CFAP46: variants seen among roughly 807,000 people sequenced by gnomAD.
The protein encoded by CFAP46 is cilia- and flagella-associated protein 46.
In CFAP46, 245 loss-of-function variants were observed where a neutral mutation model predicts 325.7. That is an observed-to-expected ratio of 0.75 (90% CI 0.68 to 0.84). CFAP46 has a LOEUF of 0.84. Among genes scored for constraint, CFAP46 ranks in the 40% least tolerant of loss-of-function variants. The probability of loss-of-function intolerance (pLI) is 0.00; values close to 1 mark genes in which losing one functional copy is unlikely to be tolerated. For synonymous variants in CFAP46, 1,523 were observed against 1,495.9 expected (o/e 1.02, Z -0.42); for missense variants, 3,346 against 3,543.0 (o/e 0.94, Z 1.41).
intron 41 of CFAP46, among the ~76,000 whole-genome samples, chr10:132,848,975 C>G (rs556093552): frequency 1.3e-5 from 2 of 152,296 alleles, no homozygotes; most frequent in South Asian, 4.2e-4. Context: ...AGAAAAAACC[C>G]AGAAAAACCT....
intron 11 of CFAP46, among the ~76,000 whole-genome samples, chr10:132,924,450 C>T (rs986425589): frequency 4.6e-5 from 7 of 152,146 alleles, no homozygotes; most frequent in Admixed American, 2.0e-4. Context: ...CATGGAGGCT[C>T]GAGGGACACA....
intron 50 of CFAP46, among the ~76,000 whole-genome samples, chr10:132,823,950 T>A (rs1218751401): frequency 7.2e-6 from 1 of 138,682 alleles, no homozygotes; most frequent in East Asian, 2.2e-4. Flanking sequence ...GTGTGTGCAG[T>A]GATGTGTGCT....
At position 132,869,252 on chromosome 10, in the gene CFAP46, C is replaced by A. The variant is rs992785511; in HGVS notation, c.4610+22G>T. ...AGGGCGAGACTCAAACCCCAGGCGG[C>A]GCAGGGTGGGACGGCACACACCTGG... On this transcript the variant is annotated intron_variant, in intron 33 of 57. Coordinates refer to ENST00000368586, the MANE Select transcript of CFAP46 (RefSeq NM_001200049.3). This position sits in a 1 kb window ranked among gnomAD's most constrained non-coding sequence, Gnocchi z 6.2. 2.9e-5 allele frequency: 43 copies of A among 1,501,550 alleles called. No homozygotes were observed. Among genetic ancestry groups the A allele is most frequent in the Non-Finnish European group, 3.8e-5 (43 of 1,119,718 alleles). 93.0% of individuals were successfully genotyped at this position (1,501,550 alleles called of 1,614,324 possible).
chr10:132,917,067 C>T (rs955723768), intron 16 of CFAP46, among the ~76,000 whole-genome samples: 44 of 152,252 alleles, frequency 2.9e-4, no homozygotes, highest in Admixed American at 2.7e-3. Flanking sequence ...GCCTCCGGGG[C>T]GTGGATGACC....
At chr10:132,937,809 C>A in intron 5 of CFAP46, 134 bp from the exon 6 acceptor site, 1 of 1,259,308 alleles carries the variant, frequency 7.9e-7, no homozygotes, top group Middle Eastern at 2.6e-4. Flanking sequence ...GCTTCTTCAG[C>A]CAGAACCAGG....
chr10:132,938,233 G>T (rs1850040818), intron 5 of CFAP46, among the ~76,000 whole-genome samples: 1 of 152,212 alleles, frequency 6.6e-6, no homozygotes, highest in Non-Finnish European at 1.5e-5. Context: ...TGCTGACTCT[G>T]CTTAGTTTTA....
chr10:132,832,557 C>CA lies in CFAP46; in HGVS notation c.7117+800dup, dbSNP rs1848168029. On this transcript the variant is annotated intron_variant, in intron 50 of 57. Transcript: ENST00000368586. This position sits in a 1 kb window ranked among gnomAD's most constrained non-coding sequence, Gnocchi z 4.1. ...GCTTTTCTCTGGTTTTTATTTGTCT[C>CA]AGCTGGAAGAACGAATCTGGTCCCT... is the stretch of plus-strand genomic sequence containing the variant. The CA allele has an allele frequency of 3.0e-6, 1 of 334,826 alleles. No individual in the cohort carries two copies. The highest frequency in any genetic ancestry group is 6.0e-6 in the Non-Finnish European group (1 of 166,416). The allele number at this position is 334,826 out of a possible 1,614,324, so 20.7% of individuals were successfully genotyped here.
intron 10 of CFAP46, among the ~76,000 whole-genome samples, chr10:132,925,170 C>T (rs1426503638): frequency 1.3e-5 from 2 of 152,244 alleles, no homozygotes; most frequent in Non-Finnish European, 2.9e-5. Context: ...TTCCTGATCC[C>T]GTCTCTTTCC....
intron 16 of CFAP46, among the ~76,000 whole-genome samples, chr10:132,917,222 C>T (rs1370326899): frequency 6.6e-6 from 1 of 152,284 alleles, no homozygotes; most frequent in Non-Finnish European, 1.5e-5. Flanking sequence ...AGCAGACATA[C>T]TGCCTAAATC....
intron 13 of CFAP46, 47 bp from the exon 14 acceptor site, chr10:132,920,229 G>A (rs1453807850): frequency 4.8e-5 from 72 of 1,487,422 alleles, no homozygotes; most frequent in Non-Finnish European, 1.4e-5. Context: ...CTGGCCAAGG[G>A]CCGGGGACGT....
intron 53 of CFAP46, 80 bp from the exon 54 acceptor site, chr10:132,814,334 G>T (rs1847644913): frequency 8.0e-7 from 1 of 1,253,752 alleles, no homozygotes; most frequent in Non-Finnish European, 1.1e-6. Flanking sequence ...CTGGGGAGGG[G>T]TCACAGCGAA....
Position 132,869,215 on chromosome 10 carries a change from C to G in CFAP46, c.4610+59G>C, listed in dbSNP as rs142391623. ...GGGTGGCCGCGCAGCTGGCTTTCAC[C>G]TGGCCGCACCAAGGGCGAGACTCAA... On this transcript the variant is annotated intron_variant, in intron 33 of 57. Coordinates refer to ENST00000368586, the MANE Select transcript of CFAP46 (RefSeq NM_001200049.3). This position sits in a 1 kb window ranked among gnomAD's most constrained non-coding sequence, Gnocchi z 6.2. 78 of 1,410,042 alleles carry G rather than the reference C, an allele frequency of 5.5e-5. No individual in the cohort carries two copies. In the Middle Eastern group the frequency reaches 1.5e-3, roughly 28 times the overall value. 87.3% of individuals were successfully genotyped at this position (1,410,042 alleles called of 1,614,324 possible). A position where few individuals can be genotyped will look rare whatever the true frequency, so the allele number is the denominator to read the frequency against.
At chr10:132,908,396 CTG>C in intron 22 of CFAP46, 70 bp downstream of exon 22, 1 of 1,519,562 alleles carries the variant, frequency 6.6e-7, no homozygotes, top group Non-Finnish European at 8.9e-7. Flanking sequence ...GCTCCCTGAT[CTG>C]TGATTGAGGC....
chr10:132,908,573 G>T lies in CFAP46; in HGVS notation c.2819C>A (p.Thr940Lys). 1 of 1,550,270 alleles carries T rather than the reference G, an allele frequency of 6.5e-7. No homozygotes were observed. The highest frequency in any genetic ancestry group is 1.2e-5 in the South Asian group (1 of 84,036). The change falls in exon 22 of 58, where the codon ACG becomes AAG. Residue 940 changes from threonine to lysine, a missense_variant. Thr to Lys is a moderately conservative substitution (Grantham distance 78, BLOSUM62 -1). Coordinates refer to ENST00000368586, the MANE Select transcript of CFAP46 (RefSeq NM_001200049.3). ...SDPLVELQTL[T>K]RLTHFAHAAR... is the part of the protein sequence containing the mutation. ...TGCATGGGCGAAGTGGGTCAGCCGC[G>T]TCAGGGTCTGCAGCTCCACCAGGGG...
At position 132,916,637 on chromosome 10, in the gene CFAP46, G is replaced by C; in HGVS notation, c.2032C>G (p.Arg678Gly). The C allele has an allele frequency of 3.9e-6, 6 of 1,536,930 alleles. No homozygotes were observed. Among genetic ancestry groups the C allele is most frequent in the Non-Finnish European group, 5.3e-6 (6 of 1,140,812 alleles). The part of the protein sequence containing the change: ...LRSEGVELND[R>G]AIPPEDLSQH... The stretch of plus-strand genomic sequence containing the variant: ...CTCAGGTCTTCGGGGGGGATGGCCC[G>C]GTCATTCAGCTCTACACCTTCTGAC... The change falls in exon 17 of 58, where the codon CGG (arginine) becomes GGG (glycine). Residue 678 changes from arginine (R) to glycine (G), a missense_variant. By Grantham distance (125) the Arg-to-Gly change is moderately radical. Transcript: ENST00000368586.
At chr10:132,834,848 C>T in intron 47 of CFAP46, 73 bp from the exon 48 acceptor site, 1 of 1,524,556 alleles carries the variant, frequency 6.6e-7, no homozygotes, top group African/African-American at 1.4e-5. Flanking sequence ...GGCCAGGCCC[C>T]TGCAGAAAGG....
Position 132,909,188 on chromosome 10 carries a change from G to A in CFAP46, c.2706C>T (p.Tyr902=). The part of the protein sequence containing the change: ...VTRVLVALEM[Y]SCNGLGLMDF... Reference sequence around the variant, plus strand: ...CCATGAGGCCCAGCCCGTTGCATGAGTACATTTCCAAGGCAACGAGGACTC... The same window carrying A: ...CCATGAGGCCCAGCCCGTTGCATGAATACATTTCCAAGGCAACGAGGACTC... Residue 902 remains tyrosine, a synonymous_variant, in exon 21 of 58, where the codon TAC becomes TAT. Transcript: ENST00000368586. The A allele has an allele frequency of 6.5e-7, 1 of 1,550,298 alleles. No homozygotes were observed. The highest frequency in any genetic ancestry group is 8.7e-7 in the Non-Finnish European group (1 of 1,146,920).
intron 35 of CFAP46, among the ~76,000 whole-genome samples, chr10:132,863,661 C>A (rs986669966): frequency 6.6e-6 from 1 of 151,778 alleles, no homozygotes; most frequent in Non-Finnish European, 1.5e-5. Context: ...GACGTGCACA[C>A]ACCTGTTCTC....
At chr10:132,907,954 C>G (rs1222429018) in intron 22 of CFAP46, among the ~76,000 whole-genome samples, 1 of 152,260 alleles carries the variant, frequency 6.6e-6, no homozygotes, top group Non-Finnish European at 1.5e-5. Flanking sequence ...TGAGCAGGAA[C>G]CATCTGGGGT....
Sources: gnomAD v4.1 joint callset for allele counts (sites outside exome capture counted in the v4.1 genomes callset) on GRCh38, gnomAD v4.1.1 for gene constraint, Gnocchi (gnomAD v3.1) non-coding constraint, MANE v1.5 for transcripts, NCBI Gene and HGNC (gene_info 2026-07-23, HGNC 2026-07-21) for gene names.